The following CLVS1 variants were observed in gnomAD, a reference collection of about 807,000 sequenced individuals.
The protein encoded by CLVS1 is clavesin-1.
In CLVS1, 10 loss-of-function variants were observed where a neutral mutation model predicts 33.1. The observed-to-expected ratio is 0.30, with a 90% CI of 0.19 to 0.51. The LOEUF is 0.51. CLVS1 is among the 20% of genes least tolerant of loss of function. CLVS1 has a pLI of 0.97. For missense variants in CLVS1, 343 were observed against 433.4 expected, an observed-to-expected ratio of 0.79 and a Z score of 1.85; for synonymous variants, 163 against 166.1, an observed-to-expected ratio of 0.98 and a Z score of 0.14.
intron 3 of CLVS1, among the ~76,000 whole-genome samples, chr8:61,411,307 C>A (rs1815213853): frequency 6.6e-6 from 1 of 152,180 alleles, no homozygotes; most frequent in Non-Finnish European, 1.5e-5. Context: ...AAGGCAGCCT[C>A]TGCCCACCCT....
intron 2 of CLVS1, among the ~76,000 whole-genome samples, chr8:61,354,244 G>A (rs146471690): frequency 1.7e-3 from 262 of 152,012 alleles, no homozygotes; most frequent in Non-Finnish European, 3.1e-3. Context: ...TTAGGGAAAC[G>A]CCAATCAAGA....
Position 61,253,991 on chromosome 8 carries a change from G to C in CLVS1, c.-151-45686G>C, listed in dbSNP as rs185661655. Among the ~76,000 whole-genome samples, 613 of 152,294 alleles carry C rather than the reference G, an allele frequency of 4.0e-3. 5 individuals carry two copies. Among genetic ancestry groups the C allele is most frequent in the African/African-American group, 0.014 (566 of 41,568 alleles). ...GCTGCATTCCTTTGGAGGCGGAGAGGCGCTCTGATTTTTAGAATTTTCAGT... is the reference window on the plus strand; with the variant it reads ...GCTGCATTCCTTTGGAGGCGGAGAGCCGCTCTGATTTTTAGAATTTTCAGT... On this transcript the variant is annotated intron_variant, in intron 2 of 2. Coordinates refer to the CLVS1 transcript ENST00000522621.
At chr8:61,013,278 G>A in the CLVS1 span, among the ~76,000 whole-genome samples, 18 of 152,290 alleles carry the variant, frequency 1.2e-4, 1 homozygote, top group South Asian at 3.5e-3. Context: ...AAATAAAGAT[G>A]GAGAGAGCAG....
intron 3 of CLVS1, among the ~76,000 whole-genome samples, chr8:61,451,083 A>G (rs1816934305): frequency 6.6e-6 from 1 of 152,188 alleles, no homozygotes; most frequent in Non-Finnish European, 1.5e-5. Context: ...ATTTAGTGTG[A>G]GCAGGAAATT....
At position 61,094,028 on chromosome 8, in the gene CLVS1, G is replaced by A. The variant is rs186516999; in HGVS notation, c.-243+36798G>A. 8.5e-5 allele frequency among the ~76,000 whole-genome samples: 13 copies of A among 152,336 alleles called. No homozygotes were observed. The East Asian group carries it at 1.5e-3, about 18-fold the overall frequency. ...TATTCTCTGCCCCATCACCAGCTCC[G>A]TGAGCCTCGGGCTCACTGTGCACAG... On this transcript the variant is annotated intron_variant, in intron 1 of 2. Transcript: ENST00000522621.
chr8:61,367,504 T>C (rs1813261318), intron 2 of CLVS1, among the ~76,000 whole-genome samples: 1 of 152,198 alleles, frequency 6.6e-6, no homozygotes, highest in Non-Finnish European at 1.5e-5. Flanking sequence ...ATAAGTGATC[T>C]CTCCTTCTTG....
At chr8:61,248,435 C>G (rs1808862705) in intron 2 of CLVS1, among the ~76,000 whole-genome samples, 1 of 151,954 alleles carries the variant, frequency 6.6e-6, no homozygotes, top group South Asian at 2.1e-4. Flanking sequence ...GGATGCTTTT[C>G]CATTTGTTTG....
At chr8:61,492,524 G>T (rs76990093) in intron 5 of CLVS1, among the ~76,000 whole-genome samples, 1,583 of 152,000 alleles carry the variant, frequency 0.01, 31 homozygotes, top group African/African-American at 0.037. Flanking sequence ...ATGTTTTTTT[G>T]GGGGGGTCTT....
intron 2 of CLVS1, among the ~76,000 whole-genome samples, chr8:61,158,912 A>G (rs988081170): frequency 2.6e-5 from 4 of 152,220 alleles, no homozygotes; most frequent in African/African-American, 9.6e-5. Flanking sequence ...CTGCCACCTC[A>G]ACCTCCTGGG....
chr8:61,375,897 GT>G (rs1365427168), intron 2 of CLVS1, among the ~76,000 whole-genome samples: 11 of 152,220 alleles, frequency 7.2e-5, no homozygotes, highest in African/African-American at 2.2e-4. Context: ...CATATATGAT[GT>G]GGAGGAATAC....
chr8:61,091,747 G>A (rs755079848), intron 1 of CLVS1, among the ~76,000 whole-genome samples: 1 of 152,032 alleles, frequency 6.6e-6, no homozygotes, highest in African/African-American at 2.4e-5. Flanking sequence ...CCTCTCTCTG[G>A]AAGACTTAAG....
At chr8:61,448,983 T>C (rs749092497) in intron 3 of CLVS1, among the ~76,000 whole-genome samples, 4 of 152,190 alleles carry the variant, frequency 2.6e-5, no homozygotes, top group African/African-American at 7.2e-5. Flanking sequence ...AATCTGGACA[T>C]TTCTGTATTA....
At chr8:61,008,675 A>G in the CLVS1 span, among the ~76,000 whole-genome samples, 18,049 of 152,102 alleles carry the variant, frequency 0.12, 1,558 homozygotes, top group East Asian at 0.41. Flanking sequence ...ATAGTTTTCT[A>G]TCTTCAAGGA....
chr8:61,334,182 T>A (rs554120443), intron 2 of CLVS1, among the ~76,000 whole-genome samples: 1 of 152,286 alleles, frequency 6.6e-6, no homozygotes, highest in African/African-American at 2.4e-5. Flanking sequence ...AGAAGTGGGA[T>A]GAGAGAGAGG....
intron 2 of CLVS1, among the ~76,000 whole-genome samples, chr8:61,266,965 AGCCACACAGAGGCAGTTTCACTTT>A (rs1395340957): frequency 6.6e-6 from 1 of 152,234 alleles, no homozygotes; most frequent in Non-Finnish European, 1.5e-5. Flanking sequence ...AACACTGTGG[AGCCACACAGAGGCAGTTTCACTTT>A]GAACTGGCTG....
At chr8:61,021,500 A>G in the CLVS1 span, among the ~76,000 whole-genome samples, 1 of 149,526 alleles carries the variant, frequency 6.7e-6, no homozygotes, top group South Asian at 2.1e-4. Flanking sequence ...ACAGGCACAC[A>G]CTACCATGAC....
At chr8:61,243,612 A>G (rs1808742345) in intron 2 of CLVS1, among the ~76,000 whole-genome samples, 1 of 152,206 alleles carries the variant, frequency 6.6e-6, no homozygotes, top group African/African-American at 2.4e-5. Context: ...CCAAGGTGAT[A>G]AATTTGTTGG....
chr8:60,994,154 T>C, the CLVS1 span, among the ~76,000 whole-genome samples: 2 of 152,214 alleles, frequency 1.3e-5, no homozygotes, highest in Non-Finnish European at 2.9e-5. Context: ...GCCTCTCTCC[T>C]TGGCTTGCAG....
chr8:61,047,922 C>A, the CLVS1 span, among the ~76,000 whole-genome samples: 3 of 150,788 alleles, frequency 2.0e-5, no homozygotes, highest in Non-Finnish European at 2.9e-5. Context: ...TGCACATATA[C>A]CCTAAAACTT....
Sources: gnomAD v4.1 joint callset for allele counts (sites outside exome capture counted in the v4.1 genomes callset) on GRCh38, gnomAD v4.1.1 for gene constraint, MANE v1.5 for transcripts, NCBI Gene and HGNC (gene_info 2026-07-23, HGNC 2026-07-21) for gene names.